MRPL42: variants seen among roughly 807,000 people sequenced by gnomAD.
MRPL42 encodes the protein large ribosomal subunit protein mL42.
In MRPL42, 17 loss-of-function variants were observed where a neutral mutation model predicts 17.9. The observed-to-expected ratio is 0.95, with a 90% CI of 0.65 to 1.42. The LOEUF (loss-of-function observed/expected upper bound fraction) is 1.42. Ranked by LOEUF, MRPL42 falls within the 40% of genes most tolerant of loss-of-function variation. MRPL42 has a pLI of 0.00. For synonymous variants in MRPL42, 59 were observed against 54.4 expected, an observed-to-expected ratio of 1.08 and a Z score of -0.37; for missense variants, 177 against 175.2, an observed-to-expected ratio of 1.01 and a Z score of -0.06.
chr12:93,474,382 T>C (rs1487416374), intron 2 of MRPL42, among the ~76,000 whole-genome samples: 1 of 152,130 alleles, frequency 6.6e-6, no homozygotes, highest in Non-Finnish European at 1.5e-5. Context: ...CAAGCGATCC[T>C]GCTGCCTTGG....
intron 5 of MRPL42, among the ~76,000 whole-genome samples, chr12:93,491,575 AG>A (rs1278940625): frequency 6.6e-6 from 1 of 152,206 alleles, no homozygotes; most frequent in Non-Finnish European, 1.5e-5. Flanking sequence ...GTATTTTAAT[AG>A]ATGCTGTCTT....
intron 2 of MRPL42, among the ~76,000 whole-genome samples, chr12:93,474,181 G>A (rs1455904116): frequency 1.3e-5 from 2 of 151,996 alleles, no homozygotes; most frequent in Non-Finnish European, 2.9e-5. Context: ...GCATATTTCA[G>A]AACACTTAAT....
At chr12:93,478,993 G>A (rs1326071902) in intron 3 of MRPL42, among the ~76,000 whole-genome samples, 1 of 149,588 alleles carries the variant, frequency 6.7e-6, no homozygotes, top group Non-Finnish European at 1.5e-5. Flanking sequence ...GTGCAGTGGC[G>A]TGATCTTGAC....
intron 5 of MRPL42, among the ~76,000 whole-genome samples, chr12:93,496,448 A>G (rs1953506434): frequency 6.6e-6 from 1 of 152,116 alleles, no homozygotes; most frequent in Admixed American, 6.6e-5. Flanking sequence ...TAGATACCTA[A>G]TAAACTATAA....
At position 93,487,542 on chromosome 12, in the gene MRPL42, G is replaced by A. The variant is rs760943020; in HGVS notation, c.265G>A (p.Asp89Asn). Residue 89 changes from aspartate (D) to asparagine (N), a missense_variant, in exon 5 of 6, where the codon GAT (aspartate) becomes AAT (asparagine). Transcript: ENST00000549982. ...TGTGCATAATAATGAAGAAACACATGATCAAGTGCTGAAAACCAGATTGGA... is the reference window on the plus strand; with the variant it reads ...TGTGCATAATAATGAAGAAACACATAATCAAGTGCTGAAAACCAGATTGGA... The part of the protein sequence containing the change: ...DPVHNNEETH[D>N]QVLKTRLEEK... 1 of 1,613,862 alleles carries A rather than the reference G, an allele frequency of 6.2e-7. No individual in the cohort carries two copies. The highest frequency in any genetic ancestry group is 1.7e-5 in the Admixed American group (1 of 60,012).
intron 4 of MRPL42, among the ~76,000 whole-genome samples, chr12:93,482,461 C>T (rs1475241967): frequency 3.3e-5 from 5 of 152,218 alleles, no homozygotes; most frequent in African/African-American, 1.2e-4. Context: ...TGGAATAACG[C>T]TTTGAACTTG....
chr12:93,469,056 A>G (rs187495676), intron 1 of MRPL42, 136 bp from the exon 2 acceptor site: 2 of 473,000 alleles, frequency 4.2e-6, no homozygotes, highest in Admixed American at 4.0e-5. Context: ...TTGTTCAATC[A>G]TGTGGAATTG....
intron 5 of MRPL42, among the ~76,000 whole-genome samples, chr12:93,489,736 A>G (rs1010199760): frequency 6.6e-6 from 1 of 152,162 alleles, no homozygotes; most frequent in African/African-American, 2.4e-5. Context: ...AGGTTTCGCC[A>G]TGTTGGCCAG....
rs1441764224 is a variant in MRPL42 at position 93,503,980 on chromosome 12, T to C, written c.*2759T>C. On this transcript the variant is annotated 3_prime_UTR_variant, in exon 6 of 6. Transcript: ENST00000549982. ...GGATTATTACCATTTTCTTTTTTTA[T>C]TTTTTTTTTAAATTTATTTCTTCTT... The C allele has an allele frequency of 7.0e-6, 1 of 142,574 alleles. No homozygotes were observed. Among genetic ancestry groups the C allele is most frequent in the Non-Finnish European group, 1.5e-5 (1 of 66,042 alleles). The allele number at this position is 142,574 out of a possible 1,614,324, so 8.8% of individuals were successfully genotyped here.
Position 93,469,040 on chromosome 12 carries a change from G to T in MRPL42, c.-94-152G>T, listed in dbSNP as rs79489045. ...TTATATTCTGTCCATGTCGCTCTTC[G>T]TCCTGTTGTTCAATCATGTGGAATT... On this transcript the variant is annotated intron_variant, in intron 1 of 5. Coordinates refer to ENST00000549982, the MANE Select transcript of MRPL42 (RefSeq NM_014050.4). The T allele has an allele frequency of 1.5e-3, 650 of 443,912 alleles. 2 individuals carry two copies. The highest frequency in any genetic ancestry group is 5.3e-3 in the Middle Eastern group (9 of 1,690). 27.5% of individuals were successfully genotyped at this position (443,912 alleles called of 1,614,324 possible). A position where few individuals can be genotyped will look rare whatever the true frequency, so the allele number is the denominator to read the frequency against.
In MRPL42 at chr12:93,514,681, A is replaced by G. The variant is rs1953763008; in HGVS notation, c.*13460A>G. 1 of 152,032 alleles carries G rather than the reference A, an allele frequency of 6.6e-6. No individual in the cohort carries two copies. Among genetic ancestry groups the G allele is most frequent in the African/African-American group, 2.4e-5 (1 of 41,386 alleles). The allele number at this position is 152,032 out of a possible 1,614,324, so 9.4% of individuals were successfully genotyped here. A position where few individuals can be genotyped will look rare whatever the true frequency, so the allele number is the denominator to read the frequency against. ...CTCCCCCTGAATCTATATGAAATAA[A>G]TTTACTCCTATTTGAAAATATTTGT... On this transcript the variant is annotated 3_prime_UTR_variant, in exon 6 of 6. Transcript: ENST00000549982.
chr12:93,490,127 A>T (rs921962167), intron 5 of MRPL42, among the ~76,000 whole-genome samples: 4 of 152,180 alleles, frequency 2.6e-5, no homozygotes, highest in African/African-American at 9.7e-5. Flanking sequence ...CCATATTGCT[A>T]CAATCTGTTT....
intron 2 of MRPL42, 83 bp downstream of exon 2, chr12:93,469,438 G>T (rs532247157): frequency 1.0e-6 from 1 of 978,830 alleles, no homozygotes; most frequent in South Asian, 1.6e-5. Flanking sequence ...TATTGTATAT[G>T]CCTGTAATTT....
chr12:93,471,536 A>G (rs1240250599), intron 2 of MRPL42, among the ~76,000 whole-genome samples: 1 of 152,054 alleles, frequency 6.6e-6, no homozygotes, highest in Non-Finnish European at 1.5e-5. Context: ...CCTGACCTCA[A>G]GTGATCTGCC....
Position 93,480,645 on chromosome 12 carries a change from G to A in MRPL42, c.219+1173G>A, listed in dbSNP as rs553765047. ...CAGCCTCTGCCTCCTGGGTTCAAGC[G>A]ATTCTCCTGTCTCAGCCTCCCAAGT... On this transcript the variant is annotated intron_variant, in intron 4 of 5. Coordinates refer to ENST00000549982, the MANE Select transcript of MRPL42 (RefSeq NM_014050.4). Among the ~76,000 whole-genome samples the A allele has an allele frequency of 3.1e-3, 464 of 149,648 alleles. 5 individuals are homozygous for A. The highest frequency in any genetic ancestry group is 0.011 in the African/African-American group (450 of 40,688).
intron 4 of MRPL42, among the ~76,000 whole-genome samples, chr12:93,484,143 T>A (rs1312034655): frequency 6.6e-6 from 1 of 152,042 alleles, no homozygotes; most frequent in Non-Finnish European, 1.5e-5. Context: ...TACAATTGAC[T>A]TTTTTTTAAC....
chr12:93,495,672 A>G (rs1178498169), intron 5 of MRPL42, among the ~76,000 whole-genome samples: 1 of 152,212 alleles, frequency 6.6e-6, no homozygotes, highest in African/African-American at 2.4e-5. Flanking sequence ...GGTGAGGCCA[A>G]TAATTAGACT....
chr12:93,491,349 A>G, intron 5 of MRPL42, among the ~76,000 whole-genome samples: 1 of 152,236 alleles, frequency 6.6e-6, no homozygotes, highest in East Asian at 1.9e-4. Flanking sequence ...GATGTTGAAC[A>G]TCTTTTCATG....
At chr12:93,485,028 A>ATATATATATATAT (rs1880671679) in intron 4 of MRPL42, among the ~76,000 whole-genome samples, 4 of 130,836 alleles carry the variant, frequency 3.1e-5, no homozygotes, top group Admixed American at 8.4e-5. Flanking sequence ...ATATATATAT[A>ATATATATATATAT]AACAGAGATG....
Sources: allele counts gnomAD v4.1 joint callset (sites outside exome capture counted in the v4.1 genomes callset), GRCh38; gene constraint gnomAD v4.1.1; transcripts MANE v1.5; gene names NCBI Gene and HGNC (gene_info 2026-07-23, HGNC 2026-07-21).